Variants in RBPJ observed in about 807,000 individuals in gnomAD.
RBPJ encodes recombining binding protein suppressor of hairless.
A neutral mutation model predicts 67.8 loss-of-function variants in RBPJ; 9 were observed. The ratio of observed to expected loss-of-function variants is 0.13; its 90% CI spans 0.08 to 0.23. RBPJ has a LOEUF of 0.23. Ranked by LOEUF, RBPJ falls within the 10% of genes least tolerant of loss-of-function variation. The pLI is 1.00. For missense variants in RBPJ, 305 were observed against 595.6 expected, an observed-to-expected ratio of 0.51 and a Z score of 5.08; for synonymous variants, 198 against 203.3, an observed-to-expected ratio of 0.97 and a Z score of 0.22.
At chr4:26,291,016 A>G (rs1721649882) in intron 1 of RBPJ, among the ~76,000 whole-genome samples, 1 of 151,094 alleles carries the variant, frequency 6.6e-6, no homozygotes, top group Non-Finnish European at 1.5e-5. Flanking sequence ...GTGAGCAAAT[A>G]GGTATTCACT....
At chr4:26,420,858 C>A in intron 5 of RBPJ, 133 bp downstream of exon 5, 1 of 710,344 alleles carries the variant, frequency 1.4e-6, no homozygotes, top group Non-Finnish European at 2.3e-6. Flanking sequence ...TCTTTATTGT[C>A]TCTCTTTTTT....
intron 3 of RBPJ, among the ~76,000 whole-genome samples, chr4:26,412,011 A>T (rs1734070031): frequency 6.7e-6 from 1 of 149,612 alleles, no homozygotes; most frequent in Non-Finnish European, 1.5e-5. Flanking sequence ...GCTACTCGGG[A>T]GGCTGAGGCA....
At chr4:26,253,179 C>G (rs1720169122) in intron 1 of RBPJ, among the ~76,000 whole-genome samples, 1 of 152,076 alleles carries the variant, frequency 6.6e-6, no homozygotes, top group African/African-American at 2.4e-5. Flanking sequence ...CGGTATTACT[C>G]ATATAATCAA....
chr4:26,175,382 G>T (rs1043989716), intron 1 of RBPJ, among the ~76,000 whole-genome samples: 1 of 152,026 alleles, frequency 6.6e-6, no homozygotes, highest in Non-Finnish European at 1.5e-5. Context: ...TGAGCTGGGG[G>T]GGGGATTTGA....
intron 1 of RBPJ, among the ~76,000 whole-genome samples, chr4:26,194,296 G>A (rs1017875711): frequency 3.3e-5 from 5 of 152,210 alleles, no homozygotes; most frequent in African/African-American, 4.8e-5. Flanking sequence ...TTTGAGCCCC[G>A]GGTAAGAAAC....
intron 1 of RBPJ, among the ~76,000 whole-genome samples, chr4:26,201,441 T>C (rs999702496): frequency 2.2e-4 from 34 of 152,306 alleles, no homozygotes; most frequent in African/African-American, 8.2e-4. Context: ...TGGACCTCCC[T>C]TTACAGGTGC....
chr4:26,190,857 A>G (rs1294064018), intron 1 of RBPJ, among the ~76,000 whole-genome samples: 1 of 152,064 alleles, frequency 6.6e-6, no homozygotes, highest in Non-Finnish European at 1.5e-5. Context: ...ATTGAAATGT[A>G]TAGTGTGGCC....
chr4:26,202,696 G>A (rs1718020963), intron 1 of RBPJ, among the ~76,000 whole-genome samples: 1 of 151,850 alleles, frequency 6.6e-6, no homozygotes, highest in Non-Finnish European at 1.5e-5. Context: ...TCTCTTGAGG[G>A]CAGTAGTTCA....
chr4:26,416,159 T>C (rs1159487862), intron 4 of RBPJ, among the ~76,000 whole-genome samples: 2 of 152,208 alleles, frequency 1.3e-5, no homozygotes, highest in Non-Finnish European at 2.9e-5. Context: ...CAAATTTTAG[T>C]GCGTGGCAGG....
At chr4:26,185,545 CT>C (rs1342702213) in intron 1 of RBPJ, among the ~76,000 whole-genome samples, 2 of 152,160 alleles carry the variant, frequency 1.3e-5, no homozygotes, top group African/African-American at 4.8e-5. Flanking sequence ...TTTCTGAGGC[CT>C]TTTACTAGTG....
chr4:26,106,262 G>C, the RBPJ span, among the ~76,000 whole-genome samples: 1 of 152,214 alleles, frequency 6.6e-6, no homozygotes, highest in Non-Finnish European at 1.5e-5. Context: ...TCTTGCAATA[G>C]AGTTCTAGAT....
the RBPJ span, among the ~76,000 whole-genome samples, chr4:26,109,827 A>T: frequency 1.3e-5 from 2 of 151,676 alleles, no homozygotes; most frequent in Admixed American, 1.3e-4. Flanking sequence ...TATAACAATA[A>T]TTCTTATAAC....
intron 1 of RBPJ, among the ~76,000 whole-genome samples, chr4:26,374,345 G>A (rs1376411621): frequency 6.6e-6 from 1 of 152,166 alleles, no homozygotes; most frequent in Non-Finnish European, 1.5e-5. Context: ...GGAAGGTAAT[G>A]AAAGAAAGTT....
At chr4:26,225,357 GA>G (rs1719043737) in intron 1 of RBPJ, among the ~76,000 whole-genome samples, 1 of 152,168 alleles carries the variant, frequency 6.6e-6, no homozygotes. Flanking sequence ...AAGCTAGCCC[GA>G]AAAGGCTACA....
At chr4:26,328,056 G>T (rs79259276) in intron 1 of RBPJ, among the ~76,000 whole-genome samples, 5,586 of 151,560 alleles carry the variant, frequency 0.037, 352 homozygotes, top group African/African-American at 0.13. Flanking sequence ...TTCCCTTTTG[G>T]AAAACTGCAG....
Position 26,265,608 on chromosome 4 carries a change from G to A in RBPJ, c.-166-96838G>A, listed in dbSNP as rs1720682077. On this transcript the variant is annotated intron_variant, in intron 1 of 4. Transcript: ENST00000512351. ...TCATCTCTGGTAGTTAATCATTCCC[G>A]ATTATTTGATGAGATTCCTAAGGAG... Among the ~76,000 whole-genome samples, 3 of 152,142 alleles carry A rather than the reference G, an allele frequency of 2.0e-5. No homozygotes were observed. In the South Asian group the frequency reaches 6.2e-4, roughly 32 times the overall value.
intron 1 of RBPJ, among the ~76,000 whole-genome samples, chr4:26,175,376 C>A (rs1716757932): frequency 6.7e-6 from 1 of 150,374 alleles, no homozygotes; most frequent in Non-Finnish European, 1.5e-5. Context: ...GGAGCTTGAG[C>A]TGGGGGGGGG....
At chr4:26,119,505 G>A in the RBPJ span, among the ~76,000 whole-genome samples, 1 of 151,944 alleles carries the variant, frequency 6.6e-6, no homozygotes, top group African/African-American at 2.4e-5. Flanking sequence ...AACTGGATGT[G>A]TCACCAATTC....
At chr4:26,182,655 G>A (rs1410648694) in intron 1 of RBPJ, among the ~76,000 whole-genome samples, 1 of 151,080 alleles carries the variant, frequency 6.6e-6, no homozygotes, top group African/African-American at 2.4e-5. Flanking sequence ...CACCACATCT[G>A]GCTAATTTTT....
Sources: gnomAD v4.1 joint callset for allele counts (sites outside exome capture counted in the v4.1 genomes callset) on GRCh38, gnomAD v4.1.1 for gene constraint, MANE v1.5 for transcripts, NCBI Gene and HGNC (gene_info 2026-07-23, HGNC 2026-07-21) for gene names.